The following RBMS3 variants were observed in gnomAD, a reference collection of about 807,000 sequenced individuals.
The protein encoded by RBMS3 is RNA binding motif single stranded interacting protein 3.
In RBMS3, 27 loss-of-function variants were observed where a neutral mutation model predicts 66.8. That is an observed-to-expected ratio of 0.40 (90% CI 0.30 to 0.56). RBMS3 has a LOEUF of 0.56. RBMS3 is among the 20% of genes least tolerant of loss of function. The pLI is 0.40. For missense variants in RBMS3, 513 were observed against 549.5 expected (o/e 0.93, Z 0.66); for synonymous variants, 188 against 183.0 (o/e 1.03, Z -0.22).
intron 5 of RBMS3, among the ~76,000 whole-genome samples, chr3:29,744,259 C>T (rs1042682239): frequency 2.5e-4 from 38 of 152,226 alleles, no homozygotes; most frequent in Non-Finnish European, 1.3e-4. Context: ...AGAATATTGA[C>T]ACATAATTGA....
chr3:29,997,780 G>C (rs1195666265), intron 14 of RBMS3, among the ~76,000 whole-genome samples: 1 of 151,952 alleles, frequency 6.6e-6, no homozygotes, highest in Non-Finnish European at 1.5e-5. Context: ...AAAATAATAA[G>C]AGCTATCTAT....
intron 4 of RBMS3, among the ~76,000 whole-genome samples, chr3:29,627,827 A>G (rs2049128118): frequency 6.6e-6 from 1 of 152,088 alleles, no homozygotes. Context: ...CAAGAAAGAT[A>G]AGTGGTTAAT....
intron 2 of RBMS3, among the ~76,000 whole-genome samples, chr3:29,472,909 C>T (rs1179884966): frequency 1.3e-5 from 2 of 151,982 alleles, no homozygotes; most frequent in African/African-American, 2.4e-5. Flanking sequence ...CTTATCTGGC[C>T]CCACCCACAT....
chr3:29,283,301 A>T (rs1159078959), intron 1 of RBMS3, among the ~76,000 whole-genome samples: 1 of 152,178 alleles, frequency 6.6e-6, no homozygotes, highest in Admixed American at 6.5e-5. Context: ...CTTGTTTTCT[A>T]CTATGGTATA....
intron 7 of RBMS3, among the ~76,000 whole-genome samples, chr3:29,871,493 C>T: frequency 6.6e-6 from 1 of 152,086 alleles, no homozygotes; most frequent in Middle Eastern, 3.4e-3. Context: ...TTTCATTTAC[C>T]ATTATACTAA....
At chr3:29,752,330 G>C (rs1008767431) in intron 5 of RBMS3, among the ~76,000 whole-genome samples, 6 of 152,038 alleles carry the variant, frequency 3.9e-5, no homozygotes, top group African/African-American at 1.4e-4. Flanking sequence ...AGTTTTTATG[G>C]GTACAGGGTG....
chr3:29,838,275 G>A (rs2058578196), intron 6 of RBMS3, among the ~76,000 whole-genome samples: 1 of 151,926 alleles, frequency 6.6e-6, no homozygotes, highest in Admixed American at 6.6e-5. Flanking sequence ...AGAGGTGGAG[G>A]CTGCAGTGAG....
chr3:29,871,313 C>A (rs985388939), intron 7 of RBMS3, among the ~76,000 whole-genome samples: 1 of 152,046 alleles, frequency 6.6e-6, no homozygotes, highest in African/African-American at 2.4e-5. Context: ...AGGTCTTTGA[C>A]CACACTGGTT....
intron 11 of RBMS3, 139 bp downstream of exon 11, chr3:29,936,335 A>G (rs2061265082): frequency 3.6e-6 from 3 of 822,164 alleles, no homozygotes; most frequent in Non-Finnish European, 6.0e-6. Flanking sequence ...CAGTATGAAT[A>G]AGCTGCATTC....
intron 7 of RBMS3, among the ~76,000 whole-genome samples, chr3:29,876,944 T>C (rs2059622601): frequency 6.6e-6 from 1 of 152,148 alleles, no homozygotes; most frequent in Non-Finnish European, 1.5e-5. Context: ...GACCATAATG[T>C]GGTCAGATTT....
At chr3:29,336,811 C>T (rs1272773148) in intron 1 of RBMS3, among the ~76,000 whole-genome samples, 1 of 152,012 alleles carries the variant, frequency 6.6e-6, no homozygotes, top group Non-Finnish European at 1.5e-5. Flanking sequence ...GCCTGCTTTG[C>T]CATCATGTTT....
At chr3:29,389,118 GACA>G (rs2039156958) in intron 1 of RBMS3, among the ~76,000 whole-genome samples, 1 of 152,118 alleles carries the variant, frequency 6.6e-6, no homozygotes, top group African/African-American at 2.4e-5. Context: ...GCTCCCTCTA[GACA>G]AGCAAAAAAT....
intron 6 of RBMS3, among the ~76,000 whole-genome samples, chr3:29,841,680 C>A (rs2058666996): frequency 6.6e-6 from 1 of 152,008 alleles, no homozygotes; most frequent in Admixed American, 6.6e-5. Flanking sequence ...TTCTCCACCT[C>A]TGTTTACTGG....
intron 12 of RBMS3, among the ~76,000 whole-genome samples, chr3:29,958,622 C>T (rs896182088): frequency 2.6e-5 from 4 of 151,940 alleles, no homozygotes; most frequent in Admixed American, 6.6e-5. Flanking sequence ...TATAAGGTGC[C>T]CGTTAGCTTT....
intron 1 of RBMS3, among the ~76,000 whole-genome samples, chr3:29,372,153 C>T (rs545016679): frequency 1.6e-4 from 25 of 152,038 alleles, no homozygotes; most frequent in Non-Finnish European, 2.5e-4. Context: ...AAGTAAGAAA[C>T]CCTGTCTCTA....
intron 1 of RBMS3, among the ~76,000 whole-genome samples, chr3:29,354,250 T>C (rs1428954396): frequency 6.6e-6 from 1 of 152,154 alleles, no homozygotes; most frequent in Non-Finnish European, 1.5e-5. Context: ...TCATTCCACA[T>C]GTGTGTGTAT....
intron 7 of RBMS3, among the ~76,000 whole-genome samples, 174 bp downstream of exon 7, chr3:29,869,138 A>G (rs1431291459): frequency 6.6e-6 from 1 of 152,182 alleles, no homozygotes; most frequent in African/African-American, 2.4e-5. Flanking sequence ...ATTATTGAGG[A>G]GTAGAGGATT....
At chr3:29,292,145 T>G (rs191762906) in intron 1 of RBMS3, among the ~76,000 whole-genome samples, 34 of 151,912 alleles carry the variant, frequency 2.2e-4, no homozygotes, top group African/African-American at 8.2e-4. Context: ...TAGACAGATC[T>G]CACTGAATTT....
At position 30,010,048 on chromosome 3, in the gene RBMS3, A is replaced by G. The variant is rs1699918630; in HGVS notation, c.*6186A>G. On this transcript the variant is annotated 3_prime_UTR_variant, in exon 15 of 15. Coordinates refer to ENST00000383767, the MANE Select transcript of RBMS3 (RefSeq NM_001003793.3). ...AATTTAAAAAAATATATGTAGTAGT[A>G]TCTGCTATGAGATATTCAGTCTCTA... 6.6e-6 allele frequency: 1 copy of G among 151,526 alleles called. No individual in the cohort carries two copies. Among genetic ancestry groups the G allele is most frequent in the African/African-American group, 2.4e-5 (1 of 41,004 alleles). 9.4% of individuals were successfully genotyped at this position (151,526 alleles called of 1,614,324 possible). A position where few individuals can be genotyped will look rare whatever the true frequency, so the allele number is the denominator to read the frequency against.
Sources: gnomAD v4.1 joint callset for allele counts (sites outside exome capture counted in the v4.1 genomes callset) on GRCh38, gnomAD v4.1.1 for gene constraint, MANE v1.5 for transcripts, NCBI Gene and HGNC (gene_info 2026-07-23, HGNC 2026-07-21) for gene names.